The following LYZL4 variants were observed in gnomAD, a reference collection of about 807,000 sequenced individuals.
The protein encoded by LYZL4 is lysozyme-like protein 4.
Under a neutral mutation model 17.6 loss-of-function variants are expected in LYZL4, and 13 were observed. The ratio of observed to expected loss-of-function variants is 0.74; its 90% CI spans 0.48 to 1.18. The LOEUF (loss-of-function observed/expected upper bound fraction) is 1.18, where lower values mean the gene tolerates loss of function less well. Among genes scored for constraint, LYZL4 ranks in the 50% most tolerant of loss-of-function variants. The probability of loss-of-function intolerance (pLI) is 0.00; values close to 1 mark genes in which losing one functional copy is unlikely to be tolerated. For synonymous variants in LYZL4, 64 were observed against 67.7 expected (o/e 0.95, Z 0.27); for missense variants, 174 against 188.2 (o/e 0.92, Z 0.44).
chr3:42,394,599 G>A (rs560144896), downstream of LYZL4, among the ~76,000 whole-genome samples: 9 of 152,290 alleles, frequency 5.9e-5, no homozygotes, highest in African/African-American at 2.2e-4. Context: ...AATAGGAGTT[G>A]TTGTTATTGA....
the LYZL4 span, among the ~76,000 whole-genome samples, chr3:42,368,402 T>C: frequency 4.6e-5 from 7 of 152,232 alleles, no homozygotes; most frequent in Non-Finnish European, 8.8e-5. Context: ...TTCCATGGGC[T>C]GAGAACGTTT....
chr3:42,389,399 GCA>G, the LYZL4 span, among the ~76,000 whole-genome samples: 1 of 152,148 alleles, frequency 6.6e-6, no homozygotes, highest in Non-Finnish European at 1.5e-5. Context: ...CATCCTAGAA[GCA>G]GCAGCCACTT....
chr3:42,364,511 T>A, the LYZL4 span, among the ~76,000 whole-genome samples: 2 of 151,418 alleles, frequency 1.3e-5, no homozygotes, highest in African/African-American at 4.9e-5. Flanking sequence ...CCCAGCTAAT[T>A]TTTTTGTATT....
chr3:42,367,538 G>A, the LYZL4 span, among the ~76,000 whole-genome samples: 63 of 152,206 alleles, frequency 4.1e-4, no homozygotes, highest in East Asian at 9.6e-4. Flanking sequence ...GCATGAGAAC[G>A]GGCCAGGCAC....
the LYZL4 span, among the ~76,000 whole-genome samples, chr3:42,379,908 A>G: frequency 1.3e-5 from 2 of 152,140 alleles, no homozygotes; most frequent in East Asian, 3.8e-4. Flanking sequence ...TGCTCTTACA[A>G]AAAGGGAAGG....
At chr3:42,367,068 A>G in the LYZL4 span, among the ~76,000 whole-genome samples, 20 of 152,230 alleles carry the variant, frequency 1.3e-4, no homozygotes, top group Non-Finnish European at 2.4e-4. Flanking sequence ...GACCAGTGCC[A>G]TGGGGATCAG....
At chr3:42,402,396 A>G (rs1049032781) in intron 4 of LYZL4, among the ~76,000 whole-genome samples, 8 of 151,706 alleles carry the variant, frequency 5.3e-5, no homozygotes, top group Middle Eastern at 3.4e-3. Flanking sequence ...GTTGCAATAC[A>G]TATATCCAAC....
chr3:42,390,018 G>T, the LYZL4 span, among the ~76,000 whole-genome samples: 1 of 152,140 alleles, frequency 6.6e-6, no homozygotes, highest in East Asian at 1.9e-4. Flanking sequence ...CTCCCTCTGG[G>T]CAATACTTTA....
At chr3:42,391,170 A>G in the LYZL4 span, among the ~76,000 whole-genome samples, 2 of 152,210 alleles carry the variant, frequency 1.3e-5, no homozygotes, top group Admixed American at 6.5e-5. Flanking sequence ...TTCTGCTACT[A>G]TTGTACTGTA....
the LYZL4 span, among the ~76,000 whole-genome samples, chr3:42,364,185 C>T: frequency 2.2e-4 from 34 of 152,298 alleles, no homozygotes; most frequent in South Asian, 8.3e-4. Flanking sequence ...CTGCTCCACC[C>T]CTGTTGCTCC....
At chr3:42,375,905 C>T in the LYZL4 span, among the ~76,000 whole-genome samples, 1 of 152,164 alleles carries the variant, frequency 6.6e-6, no homozygotes, top group African/African-American at 2.4e-5. Flanking sequence ...TATACTAGTA[C>T]TTTCCTTACA....
the LYZL4 span, among the ~76,000 whole-genome samples, chr3:42,372,577 A>G: frequency 1.3e-5 from 2 of 152,184 alleles, no homozygotes; most frequent in Non-Finnish European, 2.9e-5. Flanking sequence ...GGCACCTTTA[A>G]GAGTCAGGGT....
chr3:42,406,440 T>G (rs1246483418), intron 3 of LYZL4, among the ~76,000 whole-genome samples: 4 of 120,148 alleles, frequency 3.3e-5, no homozygotes, highest in African/African-American at 3.3e-5. Flanking sequence ...GGCGACTCAG[T>G]GAGACTCCGT....
At chr3:42,375,245 A>G in the LYZL4 span, among the ~76,000 whole-genome samples, 2 of 152,212 alleles carry the variant, frequency 1.3e-5, no homozygotes, top group African/African-American at 4.8e-5. Context: ...AATGGCACAA[A>G]GACACCAACT....
chr3:42,379,345 A>G, the LYZL4 span, among the ~76,000 whole-genome samples: 1 of 152,156 alleles, frequency 6.6e-6, no homozygotes, highest in African/African-American at 2.4e-5. Context: ...CATGAGAAAG[A>G]AAGTGTGAGT....
In LYZL4 at chr3:42,404,081, C is replaced by T; in HGVS notation, c.336G>A (p.Lys112=). ...TCCCTTCTTTTCCTTTTACAATGGT[C>T]TTGGCACATTTAATTGTCTTCTCTA... ...PNLEKTIKCA[K]TIVKGKEGMG... The change falls in exon 4 of 5, where the codon AAG becomes AAA. Residue 112 remains lysine, a synonymous_variant. Coordinates refer to ENST00000287748, the MANE Select transcript of LYZL4 (RefSeq NM_144634.4). The T allele has an allele frequency of 6.2e-7, 1 of 1,613,000 alleles. No homozygotes were observed. The highest frequency in any genetic ancestry group is 1.1e-5 in the South Asian group (1 of 91,008).
At chr3:42,390,545 A>G in the LYZL4 span, among the ~76,000 whole-genome samples, 4 of 147,124 alleles carry the variant, frequency 2.7e-5, no homozygotes. Flanking sequence ...AGGAGCAGCT[A>G]TTTTTTTTTT....
At chr3:42,395,204 A>G (rs747587333), downstream of LYZL4, among the ~76,000 whole-genome samples, 24 of 152,204 alleles carry the variant, frequency 1.6e-4, no homozygotes, top group Non-Finnish European at 2.2e-4. Context: ...CTTCCTTCTG[A>G]AAGTAACCAA....
chr3:42,392,022 C>T, the LYZL4 span, among the ~76,000 whole-genome samples: 1 of 152,132 alleles, frequency 6.6e-6, no homozygotes, highest in Non-Finnish European at 1.5e-5. Context: ...TGCACACCAC[C>T]ACACCCAACT....
Sources: allele counts gnomAD v4.1 joint callset (sites outside exome capture counted in the v4.1 genomes callset), GRCh38; gene constraint gnomAD v4.1.1; transcripts MANE v1.5; gene names NCBI Gene and HGNC (gene_info 2026-07-23, HGNC 2026-07-21).